Variants in SCARA3 observed in about 807,000 individuals in gnomAD.
The protein encoded by SCARA3 is scavenger receptor class A member 3.
SCARA3 carries 39 observed loss-of-function variants against 47.0 expected under a neutral mutation model. The ratio of observed to expected loss-of-function variants is 0.83; its 90% CI spans 0.64 to 1.08. The LOEUF is 1.08. Ranked by LOEUF, SCARA3 falls within the 50% of genes least tolerant of loss-of-function variation. The pLI is 0.00. For synonymous variants in SCARA3, 356 were observed against 334.1 expected (o/e 1.07, Z -0.71); for missense variants, 724 against 792.3 (o/e 0.91, Z 1.04).
chr8:27,677,460 A>G (rs934416996), downstream of SCARA3, among the ~76,000 whole-genome samples: 1 of 152,218 alleles, frequency 6.6e-6, no homozygotes, highest in African/African-American at 2.4e-5. Context: ...GCTGAAGGGT[A>G]TACAGTGGTG....
chr8:27,681,828 A>G, the SCARA3 span, among the ~76,000 whole-genome samples: 3 of 152,264 alleles, frequency 2.0e-5, no homozygotes, highest in African/African-American at 7.2e-5. Context: ...CATGGATGAT[A>G]TATCTCTGTA....
chr8:27,694,459 T>C, the SCARA3 span, among the ~76,000 whole-genome samples: 40 of 152,300 alleles, frequency 2.6e-4, no homozygotes, highest in Middle Eastern at 0.01. Flanking sequence ...TACATATTCA[T>C]GTGGCCCAAG....
At chr8:27,639,793 A>T (rs890873415) in intron 1 of SCARA3, among the ~76,000 whole-genome samples, 4 of 152,182 alleles carry the variant, frequency 2.6e-5, no homozygotes, top group Non-Finnish European at 5.9e-5. Flanking sequence ...GAGAACCATG[A>T]TGGTAATGTC....
At chr8:27,678,436 C>T (rs1441718524), downstream of SCARA3, among the ~76,000 whole-genome samples, 1 of 152,060 alleles carries the variant, frequency 6.6e-6, no homozygotes, top group East Asian at 1.9e-4. Context: ...TGAAAGTGGA[C>T]AAAGTTCTTA....
chr8:27,721,935 A>G, the SCARA3 span, among the ~76,000 whole-genome samples: 2 of 152,150 alleles, frequency 1.3e-5, no homozygotes, highest in Non-Finnish European at 2.9e-5. Context: ...GAAAAAATAC[A>G]AAAATTAGCC....
chr8:27,651,177 G>T (rs1296932472), intron 2 of SCARA3, among the ~76,000 whole-genome samples: 1 of 152,262 alleles, frequency 6.6e-6, no homozygotes, highest in East Asian at 1.9e-4. Flanking sequence ...CCTCAGGCTG[G>T]CTGCTCATCC....
intron 3 of SCARA3, among the ~76,000 whole-genome samples, chr8:27,655,295 T>C (rs1801719851): frequency 1.3e-5 from 2 of 152,192 alleles, no homozygotes; most frequent in Non-Finnish European, 2.9e-5. Flanking sequence ...GAAGCTGTGT[T>C]ACTCAGTGCT....
intron 2 of SCARA3, among the ~76,000 whole-genome samples, chr8:27,650,570 A>G (rs1801610167): frequency 6.6e-6 from 1 of 152,218 alleles, no homozygotes; most frequent in South Asian, 2.1e-4. Flanking sequence ...GGAAATTCCT[A>G]TTTGGCCTGG....
chr8:27,656,760 T>G (rs1801752147), intron 3 of SCARA3, 22 bp from the exon 4 acceptor site: 1 of 1,459,740 alleles, frequency 6.9e-7, no homozygotes, highest in East Asian at 2.3e-5. Flanking sequence ...CTGCCCCAGC[T>G]TCTCATCTGT....
chr8:27,680,829 G>C (rs1443331279), downstream of SCARA3, among the ~76,000 whole-genome samples: 1 of 152,118 alleles, frequency 6.6e-6, no homozygotes, highest in African/African-American at 2.4e-5. Context: ...AAGAATGCTA[G>C]GCTAGTTTAA....
the SCARA3 span, among the ~76,000 whole-genome samples, chr8:27,695,520 A>G: frequency 6.6e-6 from 1 of 152,224 alleles, no homozygotes; most frequent in Non-Finnish European, 1.5e-5. Flanking sequence ...AAAATAAACC[A>G]GAAAAATGTG....
At chr8:27,639,578 G>A (rs1235055084) in intron 1 of SCARA3, among the ~76,000 whole-genome samples, 1 of 152,186 alleles carries the variant, frequency 6.6e-6, no homozygotes, top group Non-Finnish European at 1.5e-5. Flanking sequence ...AAGGACCTGA[G>A]TGCTCCATAA....
chr8:27,677,599 CA>C (rs1802298251), downstream of SCARA3, among the ~76,000 whole-genome samples: 1 of 152,148 alleles, frequency 6.6e-6, no homozygotes, highest in Non-Finnish European at 1.5e-5. Flanking sequence ...ACTACAGTAA[CA>C]AAGCTAAAAA....
the SCARA3 span, among the ~76,000 whole-genome samples, chr8:27,708,174 A>G: frequency 2.0e-5 from 3 of 152,240 alleles, no homozygotes; most frequent in Non-Finnish European, 4.4e-5. Context: ...CTGGAGAAGA[A>G]TAGAGGGCTC....
the SCARA3 span, among the ~76,000 whole-genome samples, chr8:27,719,033 A>G: frequency 6.6e-6 from 1 of 152,246 alleles, no homozygotes; most frequent in African/African-American, 2.4e-5. Context: ...TCTGCCTGCA[A>G]GAAGAAATGC....
the SCARA3 span, among the ~76,000 whole-genome samples, chr8:27,684,094 G>A: frequency 6.3e-4 from 96 of 152,278 alleles, no homozygotes; most frequent in African/African-American, 2.3e-3. Flanking sequence ...TTGCTGTCAT[G>A]AAAATGGTCT....
chr8:27,673,329 C>T (rs1802210977), downstream of SCARA3, among the ~76,000 whole-genome samples: 1 of 152,260 alleles, frequency 6.6e-6, no homozygotes, highest in Admixed American at 6.5e-5. Flanking sequence ...GTGAGTGATA[C>T]CTCCTGCTTC....
At chr8:27,681,592 T>A (rs1010557490), downstream of SCARA3, among the ~76,000 whole-genome samples, 1 of 152,016 alleles carries the variant, frequency 6.6e-6, no homozygotes, top group South Asian at 2.1e-4. Flanking sequence ...TGTGGTGGCA[T>A]GCACCTGTAG....
At chr8:27,722,963 C>T in the SCARA3 span, among the ~76,000 whole-genome samples, 2 of 152,160 alleles carry the variant, frequency 1.3e-5, no homozygotes, top group Non-Finnish European at 2.9e-5. Context: ...CCCACCAGCA[C>T]ACTGGGCTCC....
Sources: allele counts gnomAD v4.1 joint callset (sites outside exome capture counted in the v4.1 genomes callset), GRCh38; gene constraint gnomAD v4.1.1; transcripts MANE v1.5; gene names NCBI Gene and HGNC (gene_info 2026-07-23, HGNC 2026-07-21).